Variants in USP48 observed in about 807,000 individuals in gnomAD.
USP48 encodes the protein ubiquitin carboxyl-terminal hydrolase 48.
Under a neutral mutation model 150.7 loss-of-function variants are expected in USP48, and 43 were observed. That is an observed-to-expected ratio of 0.29 (90% CI 0.22 to 0.37). The LOEUF (loss-of-function observed/expected upper bound fraction) is 0.37, where lower values mean the gene tolerates loss of function less well. Among genes scored for constraint, USP48 ranks in the 10% least tolerant of loss-of-function variants. The probability of loss-of-function intolerance (pLI) is 1.00; values close to 1 mark genes in which losing one functional copy is unlikely to be tolerated. For synonymous variants in USP48, 396 were observed against 425.9 expected (o/e 0.93, Z 0.86); for missense variants, 813 against 1,249.6 (o/e 0.65, Z 5.27).
chr1:21,756,916 G>A (rs1178690127), intron 2 of USP48: 9 of 985,144 alleles, frequency 9.1e-6, no homozygotes, highest in Admixed American at 6.2e-5. Context: ...GACTTCGGAC[G>A]GCATCACTGC....
chr1:21,706,526 T>A lies in USP48; in HGVS notation c.2152A>T (p.Thr718Ser). The A allele has an allele frequency of 6.2e-7, 1 of 1,614,166 alleles. No homozygotes were observed. Among genetic ancestry groups the A allele is most frequent in the Non-Finnish European group, 8.5e-7 (1 of 1,180,022 alleles). ...TCCTGGAACAAATTTGGGAGAGAAGTCTTTTGCTCGTTTGCAATCATCTTA... is the reference window on the plus strand; with the variant it reads ...TCCTGGAACAAATTTGGGAGAGAAGACTTTTGCTCGTTTGCAATCATCTTA... ...LHKMIANEQK[T>S]SLPNLFQDKN... The change falls in exon 17 of 27, where the codon ACT becomes TCT. Residue 718 changes from threonine (T) to serine (S), a missense_variant. Coordinates refer to ENST00000308271, the MANE Select transcript of USP48 (RefSeq NM_032236.8).
At chr1:21,726,721 C>G (rs768082063) in intron 11 of USP48, among the ~76,000 whole-genome samples, 3 of 152,104 alleles carry the variant, frequency 2.0e-5, no homozygotes, top group Non-Finnish European at 4.4e-5. Flanking sequence ...TGTTTCTGCA[C>G]TAGAAAAAGA....
intron 14 of USP48, among the ~76,000 whole-genome samples, chr1:21,720,145 C>T (rs2097716006): frequency 6.6e-6 from 1 of 152,200 alleles, no homozygotes; most frequent in African/African-American, 2.4e-5. Flanking sequence ...GCTGCCCTCT[C>T]TATTTGATGA....
intron 1 of USP48, among the ~76,000 whole-genome samples, chr1:21,770,357 G>A (rs960539082): frequency 1.3e-5 from 2 of 151,936 alleles, no homozygotes; most frequent in African/African-American, 2.4e-5. Context: ...AGGAAAAGAG[G>A]CAGAAGTAAC....
At chr1:21,728,845 T>C (rs1233478438) in intron 10 of USP48, 126 bp from the exon 11 acceptor site, 2 of 1,179,658 alleles carry the variant, frequency 1.7e-6, no homozygotes, top group African/African-American at 1.5e-5. Flanking sequence ...ATGGTCTCCC[T>C]GTCTGCTAGA....
At position 21,782,849 on chromosome 1, in the gene USP48, C is replaced by A; in HGVS notation, c.109G>T (p.Glu37Ter). The A allele has an allele frequency of 6.4e-7, 1 of 1,560,294 alleles. No homozygotes were observed. The highest frequency in any genetic ancestry group is 8.7e-7 in the Non-Finnish European group (1 of 1,153,938). Residue 37 changes from glutamate to a stop codon, truncating the protein, a stop_gained, in exon 1 of 27, where the codon GAG (glutamate) becomes TAG (stop). Coordinates refer to ENST00000308271, the MANE Select transcript of USP48 (RefSeq NM_032236.8). LOFTEE classifies it high-confidence loss of function. ...HIETAYRIWL[E>*]PCIRGVCRRN... Reference sequence around the variant, plus strand: ...CTGCACACGCCGCGAATGCAGGGCTCCAGCCAGATGCGGTAAGCGGTCTCG... The same window carrying A: ...CTGCACACGCCGCGAATGCAGGGCTACAGCCAGATGCGGTAAGCGGTCTCG...
At chr1:21,705,607 C>A in intron 19 of USP48, 120 bp downstream of exon 19, 1 of 691,938 alleles carries the variant, frequency 1.4e-6, no homozygotes, top group East Asian at 3.2e-5. Context: ...CCCCACAATT[C>A]AGCAAAGGAC....
chr1:21,683,616 G>C (rs1417528091), intron 25 of USP48, among the ~76,000 whole-genome samples: 1 of 152,100 alleles, frequency 6.6e-6, no homozygotes, highest in Non-Finnish European at 1.5e-5. Context: ...TGAACTCTTG[G>C]GTTCAAGTGA....
Position 21,757,585 on chromosome 1 carries a change from T to C in USP48, c.255+78A>G, listed in dbSNP as rs535631884. The stretch of plus-strand genomic sequence containing the variant: ...GTTACCTGAAATCAGTAGAGTTTTC[T>C]GATCACAGGCCCAAAACAAAAGCAA... On this transcript the variant is annotated intron_variant, in intron 2 of 26. Coordinates refer to ENST00000308271, the MANE Select transcript of USP48 (RefSeq NM_032236.8). 42 of 1,508,614 alleles carry C rather than the reference T, an allele frequency of 2.8e-5. No homozygotes were observed. The African/African-American group carries it at 5.3e-4, about 19-fold the overall frequency. 93.5% of individuals were successfully genotyped at this position (1,508,614 alleles called of 1,614,324 possible).
In USP48 at chr1:21,689,925, T is replaced by C. The variant is rs1412301650; in HGVS notation, c.3009+49A>G. The C allele has an allele frequency of 7.5e-6, 12 of 1,606,730 alleles. No individual in the cohort carries two copies. In the Admixed American group the frequency reaches 1.9e-4, roughly 25 times the overall value. ...ATTTCACACAGTTTACACATAGTTATGTAACATGTAAAACCTTGAGTTCTT... is the reference window on the plus strand; with the variant it reads ...ATTTCACACAGTTTACACATAGTTACGTAACATGTAAAACCTTGAGTTCTT... On this transcript the variant is annotated intron_variant, in intron 24 of 26. Transcript: ENST00000308271.
chr1:21,744,243 C>A (rs956929855), intron 8 of USP48, among the ~76,000 whole-genome samples: 2 of 151,654 alleles, frequency 1.3e-5, no homozygotes, highest in African/African-American at 2.4e-5. Context: ...TGGGAGTTCT[C>A]GAGACCAGCC....
intron 8 of USP48, among the ~76,000 whole-genome samples, chr1:21,738,247 G>A (rs1557535727): frequency 6.6e-6 from 1 of 151,830 alleles, no homozygotes; most frequent in Non-Finnish European, 1.5e-5. Flanking sequence ...TAGTAGAGAC[G>A]GGGTTTCACC....
chr1:21,689,307 A>G (rs1335913998), intron 24 of USP48, among the ~76,000 whole-genome samples: 6 of 145,374 alleles, frequency 4.1e-5, no homozygotes, highest in Non-Finnish European at 7.5e-5. Context: ...TCTAGTCCAA[A>G]AAAAGGAAAA....
chr1:21,758,444 A>G (rs1019705028), intron 1 of USP48, among the ~76,000 whole-genome samples: 1 of 152,150 alleles, frequency 6.6e-6, no homozygotes. Context: ...CCTACAGAGC[A>G]TGAGTGGGAA....
intron 1 of USP48, among the ~76,000 whole-genome samples, chr1:21,769,642 C>A (rs1170675287): frequency 2.0e-5 from 3 of 152,094 alleles, no homozygotes; most frequent in African/African-American, 7.2e-5. Flanking sequence ...GAACTCCTGG[C>A]CTCAAGTGTC....
At chr1:21,725,441 T>C (rs990041290) in intron 11 of USP48, among the ~76,000 whole-genome samples, 4 of 152,200 alleles carry the variant, frequency 2.6e-5, no homozygotes, top group Non-Finnish European at 2.9e-5. Context: ...TACATTTACG[T>C]AAACTTAATA....
At chr1:21,688,435 G>A (rs1316035005) in intron 24 of USP48, among the ~76,000 whole-genome samples, 1 of 151,700 alleles carries the variant, frequency 6.6e-6, no homozygotes. Flanking sequence ...TGGCCACGCT[G>A]GTCTTGAACT....
At position 21,751,494 on chromosome 1, in the gene USP48, A is replaced by G. The variant is rs768739206; in HGVS notation, c.774+13T>C. On this transcript the variant is annotated intron_variant, in intron 6 of 26. Coordinates refer to ENST00000308271, the MANE Select transcript of USP48 (RefSeq NM_032236.8). ...AATGGGCAGGAACAATACATACACC[A>G]AAATTTGAATACCTTCAAAAATTCC... 1 of 1,605,074 alleles carries G rather than the reference A, an allele frequency of 6.2e-7. No individual in the cohort carries two copies. The highest frequency in any genetic ancestry group is 1.1e-5 in the South Asian group (1 of 90,864).
intron 8 of USP48, among the ~76,000 whole-genome samples, chr1:21,737,264 A>T (rs574833786): frequency 6.6e-6 from 1 of 152,268 alleles, no homozygotes; most frequent in African/African-American, 2.4e-5. Context: ...TCAAAGTTTC[A>T]TTTGCCAAGT....
Sources: gnomAD v4.1 joint callset for allele counts (sites outside exome capture counted in the v4.1 genomes callset) on GRCh38, gnomAD v4.1.1 for gene constraint, MANE v1.5 for transcripts, NCBI Gene and HGNC (gene_info 2026-07-23, HGNC 2026-07-21) for gene names.